Variants in DAB1 observed in about 807,000 individuals in gnomAD.
DAB1 encodes the protein disabled homolog 1.
A neutral mutation model predicts 64.6 loss-of-function variants in DAB1; 15 were observed. The ratio of observed to expected loss-of-function variants is 0.23; its 90% CI spans 0.16 to 0.36. The LOEUF (loss-of-function observed/expected upper bound fraction) is 0.36, where lower values mean the gene tolerates loss of function less well. Among genes scored for constraint, DAB1 ranks in the 10% least tolerant of loss-of-function variants. DAB1 has a pLI of 1.00. For synonymous variants in DAB1, 235 were observed against 251.9 expected (o/e 0.93, Z 0.64); for missense variants, 596 against 706.7 (o/e 0.84, Z 1.78).
chr1:57,539,163 T>C (rs1398756500), intron 7 of DAB1, among the ~76,000 whole-genome samples: 1 of 152,230 alleles, frequency 6.6e-6, no homozygotes, highest in Non-Finnish European at 1.5e-5. Flanking sequence ...AGACCAAGTA[T>C]GTCTAATTAA....
upstream of DAB1, among the ~76,000 whole-genome samples, chr1:57,426,632 A>G (rs539768123): frequency 8.5e-5 from 13 of 152,138 alleles, no homozygotes; most frequent in Admixed American, 2.0e-4. Flanking sequence ...ATTGTTTATT[A>G]TGTTTCAGAC....
intron 7 of DAB1, among the ~76,000 whole-genome samples, chr1:57,471,445 C>T (rs1570550512): frequency 2.6e-5 from 4 of 152,232 alleles, no homozygotes; most frequent in Admixed American, 2.6e-4. Context: ...AATTGTGATG[C>T]ACATGTTTAT....
At chr1:57,946,265 C>T (rs1249098525) in intron 5 of DAB1, among the ~76,000 whole-genome samples, 1 of 152,198 alleles carries the variant, frequency 6.6e-6, no homozygotes, top group African/African-American at 2.4e-5. Context: ...GCAAGATGCA[C>T]TCAGAGTGGG....
intron 6 of DAB1, among the ~76,000 whole-genome samples, chr1:57,697,008 C>T (rs554275243): frequency 6.6e-6 from 1 of 152,264 alleles, no homozygotes; most frequent in Non-Finnish European, 1.5e-5. Context: ...CCAAAAGTCA[C>T]CTTCTCTGTG....
chr1:57,234,482 TTTG>T (rs1667941591), intron 2 of DAB1, among the ~76,000 whole-genome samples: 2 of 152,224 alleles, frequency 1.3e-5, no homozygotes, highest in Admixed American at 6.5e-5. Flanking sequence ...TTTAGTTTTT[TTTG>T]TTTTTAATTT....
At chr1:57,080,265 T>C (rs1337809473) in intron 4 of DAB1, among the ~76,000 whole-genome samples, 1 of 152,158 alleles carries the variant, frequency 6.6e-6, no homozygotes, top group Non-Finnish European at 1.5e-5. Context: ...CTCTCCTTTA[T>C]CTCTATAAAT....
intron 2 of DAB1, among the ~76,000 whole-genome samples, chr1:57,228,706 G>C (rs1161635023): frequency 6.6e-6 from 1 of 152,068 alleles, no homozygotes; most frequent in Non-Finnish European, 1.5e-5. Context: ...CATATACATA[G>C]TAAGATCCAG....
intron 1 of DAB1, among the ~76,000 whole-genome samples, chr1:57,423,289 G>C (rs975024787): frequency 2.6e-5 from 4 of 151,948 alleles, no homozygotes; most frequent in Admixed American, 2.6e-4. Context: ...GGAGGGGGAC[G>C]AGCGGCAGAG....
chr1:57,208,813 A>G (rs1365796582), intron 2 of DAB1, among the ~76,000 whole-genome samples: 1 of 152,190 alleles, frequency 6.6e-6, no homozygotes, highest in Non-Finnish European at 1.5e-5. Flanking sequence ...AGCTAAAGAC[A>G]TGGCAAGACT....
intron 5 of DAB1, among the ~76,000 whole-genome samples, chr1:58,124,804 T>C (rs902030061): frequency 4.6e-5 from 7 of 152,164 alleles, no homozygotes; most frequent in Admixed American, 1.3e-4. Context: ...AACGTCACAT[T>C]CCTCATAGGA....
intron 9 of DAB1, 27 bp from the exon 10 acceptor site, chr1:57,026,070 G>A: frequency 6.3e-7 from 1 of 1,578,234 alleles, no homozygotes; most frequent in Non-Finnish European, 8.7e-7. Flanking sequence ...GTAATCATGT[G>A]ACTACAAAGA....
chr1:58,486,087 T>C (rs61781783), intron 3 of DAB1, among the ~76,000 whole-genome samples: 4,917 of 152,304 alleles, frequency 0.032, 114 homozygotes, highest in Non-Finnish European at 0.047. Flanking sequence ...GTGAGGTATT[T>C]TACACATCTA....
chr1:57,029,574 C>G (rs1443499117), intron 9 of DAB1, among the ~76,000 whole-genome samples: 2 of 152,102 alleles, frequency 1.3e-5, no homozygotes, highest in Non-Finnish European at 2.9e-5. Context: ...TTGAAAGCAG[C>G]TGGGAGGGAG....
Position 57,083,700 on chromosome 1 carries a change from C to T in DAB1, c.307-11286G>A, listed in dbSNP as rs72905258. 9.4e-3 allele frequency among the ~76,000 whole-genome samples: 1,438 copies of T among 152,226 alleles called. 30 individuals are homozygous for T. Among genetic ancestry groups the T allele is most frequent in the African/African-American group, 0.033 (1,368 of 41,524 alleles). ...AAAGGATGCTGCATTAGGAGTGAGA[C>T]GACTGGGATTCCAAGTTCCGGTGTC... is the stretch of plus-strand genomic sequence containing the variant. On this transcript the variant is annotated intron_variant, in intron 4 of 14. Transcript: ENST00000371236.
chr1:57,796,539 G>GATGATAATAATA (rs1553129891), intron 6 of DAB1, among the ~76,000 whole-genome samples: 1 of 146,886 alleles, frequency 6.8e-6, no homozygotes, highest in African/African-American at 2.6e-5. Context: ...TAATAACAAT[G>GATGATAATAATA]ATAATAATAA....
intron 5 of DAB1, among the ~76,000 whole-genome samples, chr1:57,999,540 C>A (rs954135328): frequency 6.6e-6 from 1 of 152,292 alleles, no homozygotes; most frequent in African/African-American, 2.4e-5. Flanking sequence ...AGACTAGAGC[C>A]TCTCTCAACC....
At chr1:58,099,908 T>C (rs1029698477) in intron 5 of DAB1, among the ~76,000 whole-genome samples, 4 of 152,206 alleles carry the variant, frequency 2.6e-5, no homozygotes, top group Admixed American at 6.5e-5. Context: ...GTGATGTCCC[T>C]TTCCTTGGGA....
chr1:57,984,263 A>AGAAAG (rs1362919419), intron 5 of DAB1, among the ~76,000 whole-genome samples: 5 of 147,106 alleles, frequency 3.4e-5, no homozygotes, highest in African/African-American at 1.3e-4. Flanking sequence ...AAAGAAAGAA[A>AGAAAG]AAAAATTAAA....
intron 3 of DAB1, among the ~76,000 whole-genome samples, chr1:58,494,805 C>T (rs994887574): frequency 7.2e-5 from 11 of 152,038 alleles, no homozygotes; most frequent in Admixed American, 2.0e-4. Context: ...ATAGGAACAC[C>T]TTTACACTGT....
Sources: gnomAD v4.1 joint callset for allele counts (sites outside exome capture counted in the v4.1 genomes callset) on GRCh38, gnomAD v4.1.1 for gene constraint, MANE v1.5 for transcripts, NCBI Gene and HGNC (gene_info 2026-07-23, HGNC 2026-07-21) for gene names.